TMC2: variants seen among roughly 807,000 people sequenced by gnomAD.
The protein encoded by TMC2 is transmembrane channel like 2.
A neutral mutation model predicts 105.9 loss-of-function variants in TMC2; 102 were observed. The observed-to-expected ratio is 0.96, with a 90% CI of 0.82 to 1.14. The LOEUF (loss-of-function observed/expected upper bound fraction) is 1.14. Ranked by LOEUF, TMC2 falls within the 50% of genes most tolerant of loss-of-function variation. The pLI is 0.00. For synonymous variants in TMC2, 402 were observed against 422.8 expected (o/e 0.95, Z 0.60); for missense variants, 1,093 against 1,134.3 (o/e 0.96, Z 0.52).
At chr20:2,561,769 C>A in intron 3 of TMC2, 89 bp from the exon 4 acceptor site, 1 of 1,472,542 alleles carries the variant, frequency 6.8e-7, no homozygotes, top group Non-Finnish European at 9.1e-7. Flanking sequence ...GGGGTGCCAT[C>A]TTCCATGGGC....
At chr20:2,567,148 G>A (rs1053813253) in intron 4 of TMC2, among the ~76,000 whole-genome samples, 1 of 152,198 alleles carries the variant, frequency 6.6e-6, no homozygotes, top group Non-Finnish European at 1.5e-5. Flanking sequence ...TTTCCCCATG[G>A]TTTCGGTGAG....
In TMC2 at chr20:2,641,635, C is replaced by A. The variant is rs2086690746; in HGVS notation, c.*284C>A. 2 of 358,916 alleles carry A rather than the reference C, an allele frequency of 5.6e-6. No homozygotes were observed. Among genetic ancestry groups the A allele is most frequent in the South Asian group, 1.1e-4 (2 of 18,658 alleles). The allele number at this position is 358,916 out of a possible 1,614,324, so 22.2% of individuals were successfully genotyped here. A position where few individuals can be genotyped will look rare whatever the true frequency, so the allele number is the denominator to read the frequency against. ...TGAACCCCACGCTCACAGTGGTCGA[C>A]CTTGCCTCCCGATTTTCGGAGTTGG... On this transcript the variant is annotated 3_prime_UTR_variant, in exon 20 of 20. Transcript: ENST00000358864.
intron 2 of TMC2, among the ~76,000 whole-genome samples, chr20:2,540,396 C>T (rs922975360): frequency 6.6e-5 from 10 of 152,052 alleles, no homozygotes; most frequent in East Asian, 3.9e-4. Context: ...CACAGTGGCT[C>T]ATGACTGTAA....
intron 2 of TMC2, among the ~76,000 whole-genome samples, chr20:2,556,290 A>C (rs2085984903): frequency 6.6e-6 from 1 of 152,110 alleles, no homozygotes; most frequent in African/African-American, 2.4e-5. Flanking sequence ...CATGTTGGCC[A>C]GGCTGGTCTC....
intron 8 of TMC2, among the ~76,000 whole-genome samples, chr20:2,593,792 T>A (rs2086285217): frequency 6.6e-6 from 1 of 152,120 alleles, no homozygotes; most frequent in African/African-American, 2.4e-5. Flanking sequence ...ACCCTGTCAC[T>A]CCCCTACCTC....
At chr20:2,578,115 G>A (rs569250520) in intron 5 of TMC2, among the ~76,000 whole-genome samples, 1 of 152,224 alleles carries the variant, frequency 6.6e-6, no homozygotes, top group African/African-American at 2.4e-5. Context: ...GAGATCAGGA[G>A]TTCAAGGCCT....
Position 2,572,189 on chromosome 20 carries a change from G to A in TMC2, c.565G>A (p.Glu189Lys). ...KKLTELREAQ[E>K]FVEKYEGALG... Reference sequence around the variant, plus strand: ...TTTTTTTCTAAGCAGGGAGGCCCAGGAATTTGTGGAGAAGTATGAAGGTGC... The same window carrying A: ...TTTTTTTCTAAGCAGGGAGGCCCAGAAATTTGTGGAGAAGTATGAAGGTGC... Residue 189 changes from glutamate to lysine, a missense_variant, in exon 5 of 20, where the codon GAA becomes AAA. By Grantham distance (56) the Glu-to-Lys change is moderately conservative (BLOSUM62 1). Coordinates refer to ENST00000358864, the MANE Select transcript of TMC2 (RefSeq NM_080751.3). 2 of 1,612,426 alleles carry A rather than the reference G, an allele frequency of 1.2e-6. No homozygotes were observed. The highest frequency in any genetic ancestry group is 1.7e-6 in the Non-Finnish European group (2 of 1,179,376).
Position 2,594,816 on chromosome 20 carries a change from G to C in TMC2, c.934-9G>C. The C allele has an allele frequency of 6.2e-7, 1 of 1,613,038 alleles. No individual in the cohort carries two copies. The highest frequency in any genetic ancestry group is 1.1e-5 in the South Asian group (1 of 90,876). Reference sequence around the variant, plus strand: ...CCAACCCAGAGCATTTGGCTTTGCTGTCCCCCAGGGCTATATCAAGTACTC... The same window carrying C: ...CCAACCCAGAGCATTTGGCTTTGCTCTCCCCCAGGGCTATATCAAGTACTC... On this transcript the variant is annotated splice_polypyrimidine_tract_variant and intron_variant, in intron 8 of 19. Coordinates refer to ENST00000358864, the MANE Select transcript of TMC2 (RefSeq NM_080751.3).
intron 16 of TMC2, 37 bp from the exon 17 acceptor site, chr20:2,624,234 T>C (rs376814580): frequency 8.0e-5 from 128 of 1,603,074 alleles, no homozygotes; most frequent in Admixed American, 2.5e-4. Flanking sequence ...CACAGGCACA[T>C]GGCAGCATGT....
intron 7 of TMC2, among the ~76,000 whole-genome samples, chr20:2,589,030 T>G (rs1290924142): frequency 6.6e-6 from 1 of 152,198 alleles, no homozygotes; most frequent in Non-Finnish European, 1.5e-5. Flanking sequence ...AGCTCATGAC[T>G]GACAACTCCC....
At chr20:2,584,177 G>T (rs2086214880) in intron 7 of TMC2, among the ~76,000 whole-genome samples, 1 of 152,070 alleles carries the variant, frequency 6.6e-6, no homozygotes, top group East Asian at 1.9e-4. Flanking sequence ...GGGCGCGGTG[G>T]CTCACGCCTG....
chr20:2,612,266 G>A lies in TMC2; in HGVS notation c.1669G>A (p.Glu557Lys), dbSNP rs753247090. 1.9e-5 allele frequency: 30 copies of A among 1,612,682 alleles called. No homozygotes were observed. The highest frequency in any genetic ancestry group is 3.3e-5 in the Admixed American group (2 of 59,848). Residue 557 changes from glutamate (E) to lysine (K), a missense_variant, in exon 13 of 20, where the codon GAG becomes AAG. Physicochemically the swap from Glu to Lys is moderately conservative, Grantham distance 56. Coordinates refer to ENST00000358864, the MANE Select transcript of TMC2 (RefSeq NM_080751.3). ...FNYYNSSGWN[E>K]SVPRPPLHPA... The stretch of plus-strand genomic sequence containing the variant: ...CTATTACAACTCTTCTGGTTGGAAC[G>A]AGAGTGTCCCCCGACCACCCCTGCA...
At chr20:2,611,491 C>T (rs2086437904) in intron 12 of TMC2, among the ~76,000 whole-genome samples, 1 of 152,216 alleles carries the variant, frequency 6.6e-6, no homozygotes, top group Non-Finnish European at 1.5e-5. Context: ...CTCTCCACCC[C>T]TCTCCTCATG....
intron 17 of TMC2, among the ~76,000 whole-genome samples, chr20:2,632,998 T>A (rs2086615218): frequency 6.6e-6 from 1 of 152,258 alleles, no homozygotes; most frequent in Non-Finnish European, 1.5e-5. Flanking sequence ...TGCTGTTTGT[T>A]GTTATAATTG....
At chr20:2,590,686 A>G (rs2146209183) in intron 7 of TMC2, among the ~76,000 whole-genome samples, 1 of 152,180 alleles carries the variant, frequency 6.6e-6, no homozygotes, top group Middle Eastern at 3.4e-3. Flanking sequence ...TTAACATCTT[A>G]TACACTTCGT....
intron 17 of TMC2, among the ~76,000 whole-genome samples, chr20:2,631,705 G>GTGT (rs1555777796): frequency 2.1e-4 from 30 of 145,478 alleles, no homozygotes; most frequent in Non-Finnish European, 3.6e-4. Flanking sequence ...GACTATGGCT[G>GTGT]TTTTTTTTTT....
chr20:2,579,219 A>G lies in TMC2; in HGVS notation c.719A>G (p.Asp240Gly). The G allele has an allele frequency of 6.3e-7, 1 of 1,589,428 alleles. No homozygotes were observed. The highest frequency in any genetic ancestry group is 8.6e-7 in the Non-Finnish European group (1 of 1,157,548). Reference sequence around the variant, plus strand: ...ATCCCCTGGGAAATGAAGATCAAGGACATTGAAAGTGAGTATGCTGGTGTC... The same window carrying G: ...ATCCCCTGGGAAATGAAGATCAAGGGCATTGAAAGTGAGTATGCTGGTGTC... ...QCIPWEMKIK[D>G]IESHFGSSVA... The change falls in exon 6 of 20, where the codon GAC becomes GGC. Residue 240 changes from aspartate to glycine, a missense_variant. Physicochemically the swap from Asp to Gly is moderately conservative, Grantham distance 94 (BLOSUM62 -1). Transcript: ENST00000358864.
chr20:2,624,944 C>T (rs1470320887), intron 17 of TMC2, among the ~76,000 whole-genome samples: 1 of 152,222 alleles, frequency 6.6e-6, no homozygotes, highest in Non-Finnish European at 1.5e-5. Flanking sequence ...CACAGCACTA[C>T]TCGATGGAGC....
chr20:2,628,343 G>A (rs763837210), intron 17 of TMC2, among the ~76,000 whole-genome samples: 21 of 151,572 alleles, frequency 1.4e-4, no homozygotes, highest in Non-Finnish European at 2.7e-4. Flanking sequence ...TTCTCTTTTT[G>A]TTATGATAAA....
Sources: gnomAD v4.1 joint callset for allele counts (sites outside exome capture counted in the v4.1 genomes callset) on GRCh38, gnomAD v4.1.1 for gene constraint, MANE v1.5 for transcripts, NCBI Gene and HGNC (gene_info 2026-07-23, HGNC 2026-07-21) for gene names.